Variants in STRN3 observed in about 807,000 individuals in gnomAD.
STRN3 encodes the protein striatin 3.
In STRN3, 29 loss-of-function variants were observed where a neutral mutation model predicts 95.6. That is an observed-to-expected ratio of 0.30 (90% CI 0.23 to 0.41). The LOEUF is 0.41. Ranked by LOEUF, STRN3 falls within the 10% of genes least tolerant of loss-of-function variation. STRN3 has a pLI of 1.00. For missense variants in STRN3, 890 were observed against 972.1 expected (o/e 0.92, Z 1.12); for synonymous variants, 331 against 357.6 (o/e 0.93, Z 0.84).
intron 4 of STRN3, 63 bp downstream of exon 4, chr14:30,950,800 A>G: frequency 1.4e-6 from 2 of 1,427,452 alleles, no homozygotes; most frequent in South Asian, 1.2e-5. Flanking sequence ...TTGTAAAGTG[A>G]TTCAGTATAA....
chr14:30,904,839 T>C (rs1053939610), intron 15 of STRN3, among the ~76,000 whole-genome samples: 1 of 151,760 alleles, frequency 6.6e-6, no homozygotes, highest in Non-Finnish European at 1.5e-5. Context: ...TTTAGATCTA[T>C]AATCAATTCA....
rs143268659 is a variant in STRN3 at position 30,956,284 on chromosome 14, C to T, written c.283-42G>A. The T allele has an allele frequency of 1.1e-5, 18 of 1,569,466 alleles. No homozygotes were observed. The African/African-American group carries it at 1.5e-4, about 13-fold the overall frequency. On this transcript the variant is annotated intron_variant, in intron 1 of 17. Transcript: ENST00000357479. ...TGCATTTATTTACATTTTCCCTTAA[C>T]CATACATAGGAAACTGAAAAATGGA...
chr14:30,910,293 T>G (rs1896573723), intron 13 of STRN3, among the ~76,000 whole-genome samples: 1 of 152,240 alleles, frequency 6.6e-6, no homozygotes, highest in Non-Finnish European at 1.5e-5. Flanking sequence ...TATCACAATT[T>G]GTAACCATAG....
At chr14:30,922,067 T>G (rs149760266) in intron 8 of STRN3, among the ~76,000 whole-genome samples, 44 of 152,112 alleles carry the variant, frequency 2.9e-4, no homozygotes, top group African/African-American at 1.0e-3. Context: ...AAAAAAAAAT[T>G]TTGTAGAGAC....
intron 1 of STRN3, among the ~76,000 whole-genome samples, chr14:30,979,306 A>C (rs958045581): frequency 6.6e-6 from 1 of 152,174 alleles, no homozygotes; most frequent in African/African-American, 2.4e-5. Context: ...TTTATTGTGA[A>C]GATAAGGTCA....
intron 1 of STRN3, among the ~76,000 whole-genome samples, chr14:30,999,380 A>G (rs1267699022): frequency 6.6e-6 from 1 of 152,230 alleles, no homozygotes; most frequent in Non-Finnish European, 1.5e-5. Context: ...TATTATAAAT[A>G]TGTTGAAAGA....
chr14:30,931,913 G>A (rs1463258550), intron 7 of STRN3: 1 of 152,200 alleles, frequency 6.6e-6, no homozygotes, highest in African/African-American at 2.4e-5. Context: ...GTAAGGACTA[G>A]AGTATGTTTC....
chr14:30,936,610 A>G lies in STRN3; in HGVS notation c.731T>C (p.Val244Ala), dbSNP rs1193110816. The G allele has an allele frequency of 6.2e-7, 1 of 1,613,504 alleles. No individual in the cohort carries two copies. Among genetic ancestry groups the G allele is most frequent in the East Asian group, 2.2e-5 (1 of 44,828 alleles). ...GQEIKRSSGD[V>A]LETFNFLENA... ...TTCTAAGAAATTGAACGTCTCAAGA[A>G]CATCACCAGAGGACCTGTGCGAAGG... The change falls in exon 6 of 18, where the codon GTT becomes GCT. Residue 244 changes from valine to alanine, a missense_variant. Around this residue, in one of 3 missense-constraint regions of STRN3, gnomAD observed 526 missense variants for 526.3 expected, o/e 1.00. Transcript: ENST00000357479.
intron 14 of STRN3, 48 bp from the exon 15 acceptor site, chr14:30,905,606 T>C (rs1324741851): frequency 7.8e-6 from 12 of 1,543,878 alleles, no homozygotes; most frequent in South Asian, 1.3e-5. Flanking sequence ...AAAATTACTA[T>C]GAAATCTCTA....
intron 5 of STRN3, among the ~76,000 whole-genome samples, chr14:30,942,563 G>A (rs764387786): frequency 6.6e-6 from 1 of 152,246 alleles, no homozygotes; most frequent in Middle Eastern, 3.4e-3. Flanking sequence ...AGAGGTGGGC[G>A]GGGAGCAACA....
chr14:30,964,920 C>CA (rs146091120), intron 1 of STRN3, among the ~76,000 whole-genome samples: 56,989 of 143,580 alleles, frequency 0.4, 11,376 homozygotes, highest in Non-Finnish European at 0.45. Context: ...GGCCCCTTCT[C>CA]AAAAAAAAAA....
rs142064496 is a variant in STRN3, at chr14:30,980,710, G to A, written c.283-24468C>T. On this transcript the variant is annotated intron_variant, in intron 1 of 17. Transcript: ENST00000357479. ...CCCACCGCACCCGGCCCTATTTTGC[G>A]ATGTTTCTTAAAAAACAGTATCTTG... Among the ~76,000 whole-genome samples, 489 of 151,996 alleles carry A rather than the reference G, an allele frequency of 3.2e-3. 1 individual carries two copies. The highest frequency in any genetic ancestry group is 3.9e-3 in the Non-Finnish European group (268 of 67,940).
intron 1 of STRN3, among the ~76,000 whole-genome samples, chr14:30,980,467 G>C (rs1405767565): frequency 3.3e-5 from 5 of 151,854 alleles, no homozygotes; most frequent in Admixed American, 2.0e-4. Context: ...GAGTGCAGTG[G>C]CACAATCTCA....
At chr14:30,985,041 A>C (rs1169021000) in intron 1 of STRN3, among the ~76,000 whole-genome samples, 3 of 151,890 alleles carry the variant, frequency 2.0e-5, no homozygotes, top group African/African-American at 7.3e-5. Flanking sequence ...TCTTGGCCGG[A>C]CGCGGTGGTT....
At chr14:30,924,287 C>CTTTTTTTTTTTTTTTTTTTTTTTT (rs71112354) in intron 8 of STRN3, among the ~76,000 whole-genome samples, 1 of 77,244 alleles carries the variant, frequency 1.3e-5, no homozygotes. Flanking sequence ...TGCCTTAAAT[C>CTTTTTTTTTTTTTTTTTTTTTTTT]TTTTTTTTTT....
chr14:30,949,710 G>A (rs1452486185), intron 4 of STRN3, among the ~76,000 whole-genome samples: 1 of 151,906 alleles, frequency 6.6e-6, no homozygotes, highest in South Asian at 2.1e-4. Context: ...TTTACAGAAA[G>A]GAAAGTGTTA....
chr14:31,016,542 A>AATAT (rs150882034), intron 1 of STRN3, among the ~76,000 whole-genome samples: 1 of 150,110 alleles, frequency 6.7e-6, no homozygotes, highest in Non-Finnish European at 1.5e-5. Context: ...AAATAATAAA[A>AATAT]ATATATATAT....
chr14:30,941,057 A>C (rs758370875), intron 5 of STRN3, among the ~76,000 whole-genome samples: 18 of 152,268 alleles, frequency 1.2e-4, no homozygotes, highest in Admixed American at 2.6e-4. Context: ...ACCATGCGAA[A>C]ACCCAGTGGG....
intron 5 of STRN3, among the ~76,000 whole-genome samples, chr14:30,943,653 A>G (rs1274296881): frequency 6.6e-6 from 1 of 152,224 alleles, no homozygotes; most frequent in Non-Finnish European, 1.5e-5. Context: ...CAACAGGTAA[A>G]GAAATAAAGA....
Sources: gnomAD v4.1 joint callset for allele counts (sites outside exome capture counted in the v4.1 genomes callset) on GRCh38, gnomAD v4.1.1 for gene constraint, gnomAD v4.1.1 regional missense constraint, MANE v1.5 for transcripts, NCBI Gene and HGNC (gene_info 2026-07-23, HGNC 2026-07-21) for gene names.